Variants in RSBN1L observed in about 807,000 individuals in gnomAD.
The protein encoded by RSBN1L is lysine-specific demethylase RSBN1L.
In RSBN1L, 30 loss-of-function variants were observed where a neutral mutation model predicts 67.7. The observed-to-expected ratio is 0.44, with a 90% CI of 0.33 to 0.60. The LOEUF (loss-of-function observed/expected upper bound fraction) is 0.60, where lower values mean the gene tolerates loss of function less well. Among genes scored for constraint, RSBN1L ranks in the 20% least tolerant of loss-of-function variants. The pLI is 0.02. For missense variants in RSBN1L, 992 were observed against 1,031.7 expected (o/e 0.96, Z 0.53); for synonymous variants, 433 against 387.0 (o/e 1.12, Z -1.39).
chr7:77,699,311 G>A (rs1445158156), intron 1 of RSBN1L, among the ~76,000 whole-genome samples: 1 of 152,084 alleles, frequency 6.6e-6, no homozygotes, highest in Admixed American at 6.5e-5. Flanking sequence ...AAACAAAACT[G>A]AACCACACAC....
At chr7:77,701,572 G>A (rs1320058752) in intron 1 of RSBN1L, among the ~76,000 whole-genome samples, 1 of 151,544 alleles carries the variant, frequency 6.6e-6, no homozygotes, top group East Asian at 1.9e-4. Context: ...TCCTTTCACT[G>A]AATTTTATAA....
At chr7:77,730,145 C>A (rs947428639) in intron 1 of RSBN1L, among the ~76,000 whole-genome samples, 3 of 152,022 alleles carry the variant, frequency 2.0e-5, no homozygotes, top group African/African-American at 7.2e-5. Context: ...TTCTTAGATT[C>A]CTTTGGCTGT....
At chr7:77,755,681 A>G (rs1205368445) in intron 3 of RSBN1L, among the ~76,000 whole-genome samples, 1 of 151,924 alleles carries the variant, frequency 6.6e-6, no homozygotes, top group Non-Finnish European at 1.5e-5. Context: ...CAAAACAAAA[A>G]CAAAAAACAA....
At chr7:77,774,076 C>T (rs1791880713) in intron 6 of RSBN1L, among the ~76,000 whole-genome samples, 1 of 152,128 alleles carries the variant, frequency 6.6e-6, no homozygotes, top group South Asian at 2.1e-4. Flanking sequence ...GTTTTCTCTT[C>T]CTCCTGCTTT....
chr7:77,759,446 T>A (rs1422643775), intron 3 of RSBN1L: 3 of 152,186 alleles, frequency 2.0e-5, no homozygotes, highest in African/African-American at 7.2e-5. Context: ...CTATTTTGAT[T>A]AGAAACCATC....
chr7:77,712,682 A>G (rs1042164973), intron 1 of RSBN1L, among the ~76,000 whole-genome samples: 9 of 152,220 alleles, frequency 5.9e-5, no homozygotes, highest in Non-Finnish European at 1.5e-5. Context: ...CAATATGTGT[A>G]GAACTATATT....
At chr7:77,716,759 G>A (rs1174598080) in intron 1 of RSBN1L, among the ~76,000 whole-genome samples, 4 of 149,986 alleles carry the variant, frequency 2.7e-5, no homozygotes, top group African/African-American at 9.8e-5. Context: ...AACCTCCCGA[G>A]TAGCTGGGAT....
chr7:77,720,392 G>A (rs6976611), intron 1 of RSBN1L, among the ~76,000 whole-genome samples: 63,849 of 151,588 alleles, frequency 0.42, 13,823 homozygotes, highest in African/African-American at 0.5. Context: ...GAAACCCCGG[G>A]TCTACTAAAA....
intron 3 of RSBN1L, among the ~76,000 whole-genome samples, chr7:77,761,479 T>C (rs1198705624): frequency 6.6e-6 from 1 of 152,218 alleles, no homozygotes; most frequent in Non-Finnish European, 1.5e-5. Context: ...GATAGGTGAT[T>C]TTTAGAGAAA....
intron 2 of RSBN1L, among the ~76,000 whole-genome samples, chr7:77,737,286 A>G (rs576336417): frequency 3.3e-5 from 5 of 152,320 alleles, no homozygotes; most frequent in Admixed American, 2.0e-4. Context: ...TACTAGTGCT[A>G]TCATGTTGAT....
chr7:77,738,805 G>A (rs150674823), intron 2 of RSBN1L, among the ~76,000 whole-genome samples: 11 of 152,110 alleles, frequency 7.2e-5, no homozygotes, highest in African/African-American at 2.4e-4. Context: ...AAAAAATTAC[G>A]GTGGGTGCCT....
intron 1 of RSBN1L, among the ~76,000 whole-genome samples, chr7:77,706,232 A>G (rs1366413327): frequency 6.6e-6 from 1 of 151,800 alleles, no homozygotes; most frequent in Admixed American, 6.6e-5. Context: ...GCCTGCCACT[A>G]CGTTGGGCTA....
chr7:77,720,434 C>T (rs891531123), intron 1 of RSBN1L, among the ~76,000 whole-genome samples: 2 of 152,082 alleles, frequency 1.3e-5, no homozygotes, highest in Non-Finnish European at 2.9e-5. Flanking sequence ...GTGCTGCATG[C>T]CCGTAATCCC....
chr7:77,779,195 T>C lies in RSBN1L; in HGVS notation c.*27T>C, dbSNP rs774268051. ...TTTGCATATACCATCTAAAATCCTT[T>C]TTTAAAAAAATTTAATGTAATAAAG... On this transcript the variant is annotated 3_prime_UTR_variant, in exon 8 of 8. Transcript: ENST00000334955. The C allele has an allele frequency of 3.3e-4, 492 of 1,496,290 alleles. 1 individual carries two copies. Among genetic ancestry groups the C allele is most frequent in the Non-Finnish European group, 4.2e-4 (470 of 1,112,330 alleles). 92.7% of individuals were successfully genotyped at this position (1,496,290 alleles called of 1,614,324 possible). A position where few individuals can be genotyped will look rare whatever the true frequency, so the allele number is the denominator to read the frequency against.
At chr7:77,711,797 T>C in intron 1 of RSBN1L, among the ~76,000 whole-genome samples, 1 of 152,376 alleles carries the variant, frequency 6.6e-6, no homozygotes, top group Middle Eastern at 3.4e-3. Flanking sequence ...AAATTTTTAG[T>C]AAAATTTTAC....
intron 5 of RSBN1L, among the ~76,000 whole-genome samples, chr7:77,770,996 C>T (rs553968469): frequency 1.4e-4 from 21 of 152,306 alleles, no homozygotes; most frequent in African/African-American, 4.3e-4. Context: ...GGCTGGAGTG[C>T]AGTGGTGCAA....
chr7:77,747,604 T>G (rs960322525), intron 2 of RSBN1L, among the ~76,000 whole-genome samples: 1 of 152,214 alleles, frequency 6.6e-6, no homozygotes, highest in African/African-American at 2.4e-5. Context: ...AATGCAAGAT[T>G]CGAGGCTTGG....
intron 1 of RSBN1L, among the ~76,000 whole-genome samples, chr7:77,713,641 C>A (rs1187006218): frequency 2.6e-5 from 4 of 151,538 alleles, no homozygotes; most frequent in Admixed American, 6.6e-5. Flanking sequence ...CAGGCGTGAG[C>A]CACCATGCCC....
chr7:77,724,432 C>CTTTTTTT (rs557313211), intron 1 of RSBN1L, among the ~76,000 whole-genome samples: 9 of 136,434 alleles, frequency 6.6e-5, no homozygotes, highest in Non-Finnish European at 9.6e-5. Flanking sequence ...TTTCTTTTTT[C>CTTTTTTT]TTTTTTTTTT....
Sources: gnomAD v4.1 joint callset for allele counts (sites outside exome capture counted in the v4.1 genomes callset) on GRCh38, gnomAD v4.1.1 for gene constraint, MANE v1.5 for transcripts, NCBI Gene and HGNC (gene_info 2026-07-23, HGNC 2026-07-21) for gene names.